TMEM181: variants seen among roughly 807,000 people sequenced by gnomAD.
TMEM181 encodes the protein G protein-coupled receptor 178.
Under a neutral mutation model 71.9 loss-of-function variants are expected in TMEM181, and 39 were observed. The observed-to-expected ratio is 0.54, with a 90% CI of 0.42 to 0.71. The LOEUF is 0.71. Among genes scored for constraint, TMEM181 ranks in the 30% least tolerant of loss-of-function variants. The pLI, the probability that TMEM181 is intolerant of heterozygous loss-of-function variation, is 0.00. For missense variants in TMEM181, 595 were observed against 583.0 expected (o/e 1.02, Z -0.21); for synonymous variants, 245 against 228.8 (o/e 1.07, Z -0.64).
In TMEM181 at chr6:158,631,342, T is replaced by G. The variant is rs769484114; in HGVS notation, c.1302T>G (p.Asn434Lys). 1.2e-6 allele frequency: 2 copies of G among 1,614,206 alleles called. No homozygotes were observed. Among genetic ancestry groups the G allele is most frequent in the Non-Finnish European group, 1.7e-6 (2 of 1,180,044 alleles). Reference sequence around the variant, plus strand: ...TTTCAGAGTCCCAGCTGAAAGACAATCCTGCCTTCTCCATGCTGAATGACT... The same window carrying G: ...TTTCAGAGTCCCAGCTGAAAGACAAGCCTGCCTTCTCCATGCTGAATGACT... ...NALYESQLKD[N>K]PAFSMLNDSD... Residue 434 changes from asparagine to lysine, a missense_variant, in exon 16 of 17, where the codon AAT becomes AAG. Transcript: ENST00000684151.
chr6:158,608,606 C>T (rs1166127780), intron 9 of TMEM181, 53 bp from the exon 10 acceptor site: 2 of 1,595,292 alleles, frequency 1.3e-6, no homozygotes, highest in East Asian at 4.5e-5. Context: ...ACGTTATGTA[C>T]AATTACCAAT....
chr6:158,552,823 A>T (rs1781759872), intron 1 of TMEM181, among the ~76,000 whole-genome samples: 1 of 104,942 alleles, frequency 9.5e-6, no homozygotes, highest in South Asian at 2.7e-4. Flanking sequence ...TGAAATTACC[A>T]TTCGGAATGA....
chr6:158,549,110 C>CTTTTTTTTTTTTTTTTTTTTTTTTT (rs33969411), intron 1 of TMEM181, among the ~76,000 whole-genome samples: 1 of 67,514 alleles, frequency 1.5e-5, no homozygotes, highest in Non-Finnish European at 2.8e-5. Context: ...GTGCACACTT[C>CTTTTTTTTTTTTTTTTTTTTTTTTT]TTTTTTTTTT....
chr6:158,608,199 G>C (rs6924900), intron 8 of TMEM181, 134 bp from the exon 9 acceptor site: 13 of 1,051,224 alleles, frequency 1.2e-5, no homozygotes, highest in Non-Finnish European at 1.7e-5. Flanking sequence ...ATGGGGTGCT[G>C]TCTGCCAGGT....
At chr6:158,540,797 C>A (rs928227205) in intron 1 of TMEM181, among the ~76,000 whole-genome samples, 1 of 152,084 alleles carries the variant, frequency 6.6e-6, no homozygotes, top group Non-Finnish European at 1.5e-5. Flanking sequence ...GAGAGAGTCT[C>A]ACCCCTGTCA....
Position 158,608,348 on chromosome 6 carries a change from T to A in TMEM181, c.689T>A (p.Leu230His). 4 of 1,614,244 alleles carry A rather than the reference T, an allele frequency of 2.5e-6. No individual in the cohort carries two copies. The highest frequency in any genetic ancestry group is 3.4e-6 in the Non-Finnish European group (4 of 1,180,046). ...LLLYNDPFFP[L>H]SFLVNSWLPG... ...TGTGTTCCAGATCCGTTCTTCCCCC[T>A]CTCCTTCCTGGTCAACAGCTGGCTC... Residue 230 changes from leucine to histidine, a missense_variant, in exon 9 of 17, where the codon CTC becomes CAC. Physicochemically the swap from Leu to His is moderately conservative, Grantham distance 99. Transcript: ENST00000684151.
chr6:158,593,740 C>T (rs551806634), intron 6 of TMEM181, among the ~76,000 whole-genome samples: 263 of 151,812 alleles, frequency 1.7e-3, no homozygotes, highest in South Asian at 7.3e-3. Context: ...CTTTTTTTTC[C>T]CACATTATTA....
At chr6:158,560,262 C>G in intron 1 of TMEM181, 30 bp downstream of exon 1, 2 of 985,122 alleles carry the variant, frequency 2.0e-6, no homozygotes, top group Non-Finnish European at 2.4e-6. Context: ...GGCGGGCTGG[C>G]TGGCTCTCCG....
chr6:158,629,724 C>A lies in TMEM181; in HGVS notation c.1193-6C>A, dbSNP rs560826866. On this transcript the variant is annotated splice_region_variant and splice_polypyrimidine_tract_variant and intron_variant, in intron 14 of 16. Coordinates refer to ENST00000684151, the MANE Select transcript of TMEM181 (RefSeq NM_001376852.1). The stretch of plus-strand genomic sequence containing the variant: ...GATGCCGCGTTCCTTCCCTTGACAG[C>A]ACCACCAGCCGAGTTCTTATCTTTC... The A allele has an allele frequency of 6.2e-7, 1 of 1,601,346 alleles. No homozygotes were observed.
chr6:158,589,902 T>A lies in TMEM181; in HGVS notation c.492+120T>A, dbSNP rs987149936. ...GTTAATTTGGACAGTGGAGGACTTG[T>A]AAAGTTTTTAAAAATTATAGGAAAA... On this transcript the variant is annotated intron_variant, in intron 6 of 16. Coordinates refer to ENST00000684151, the MANE Select transcript of TMEM181 (RefSeq NM_001376852.1). 6 of 712,934 alleles carry A rather than the reference T, an allele frequency of 8.4e-6. No homozygotes were observed. The Admixed American group carries it at 1.5e-4, about 17-fold the overall frequency. The allele number at this position is 712,934 out of a possible 1,614,324, so 44.2% of individuals were successfully genotyped here. A position where few individuals can be genotyped will look rare whatever the true frequency, so the allele number is the denominator to read the frequency against.
chr6:158,551,151 G>T (rs550825599), intron 1 of TMEM181, among the ~76,000 whole-genome samples: 303 of 151,990 alleles, frequency 2.0e-3, no homozygotes, highest in African/African-American at 7.1e-3. Context: ...TAGTAGAGAC[G>T]GGGTTTCACC....
intron 6 of TMEM181, among the ~76,000 whole-genome samples, chr6:158,594,120 T>TTTTTTTTTTTTTTTTTTTTTTTTTC (rs1554309324): frequency 7.2e-6 from 1 of 139,662 alleles, no homozygotes. Flanking sequence ...TTTTTTTTTT[T>TTTTTTTTTTTTTTTTTTTTTTTTTC]CTGAGACAGA....
Position 158,589,783 on chromosome 6 carries a change from G to GT in TMEM181, c.492+2dup. On this transcript the variant is annotated splice_donor_variant, in intron 6 of 16. Coordinates refer to ENST00000684151, the MANE Select transcript of TMEM181 (RefSeq NM_001376852.1). LOFTEE classifies it high-confidence loss of function. ...CCCCATCAAGGGAATGAACTTCACAGTAAGTATACCAGCTGACTGCACGTT... is the reference window on the plus strand; with the variant it reads ...CCCCATCAAGGGAATGAACTTCACAGTTAAGTATACCAGCTGACTGCACGTT... The GT allele has an allele frequency of 6.2e-7, 1 of 1,602,014 alleles. No homozygotes were observed. The highest frequency in any genetic ancestry group is 8.6e-7 in the Non-Finnish European group (1 of 1,169,046).
chr6:158,614,541 G>A (rs190018237), intron 10 of TMEM181, among the ~76,000 whole-genome samples: 3 of 152,078 alleles, frequency 2.0e-5, no homozygotes, highest in Non-Finnish European at 4.4e-5. Flanking sequence ...CAACGTGCAG[G>A]TTTGTTACAT....
intron 10 of TMEM181, chr6:158,611,415 G>A (rs1388435740): frequency 7.4e-6 from 4 of 539,118 alleles, no homozygotes; most frequent in Non-Finnish European, 1.5e-5. Context: ...GATCATTGTG[G>A]AGCCCTGATG....
intron 2 of TMEM181, among the ~76,000 whole-genome samples, chr6:158,577,433 A>G (rs922751431): frequency 5.9e-5 from 9 of 152,186 alleles, no homozygotes; most frequent in Non-Finnish European, 8.8e-5. Flanking sequence ...AGAAAAATGA[A>G]CAGAGACTGA....
At chr6:158,580,069 G>A (rs1198949709) in intron 2 of TMEM181, among the ~76,000 whole-genome samples, 6 of 152,118 alleles carry the variant, frequency 3.9e-5, no homozygotes, top group Non-Finnish European at 8.8e-5. Flanking sequence ...AGTGGCTCAC[G>A]CCTGTAATCC....
intron 6 of TMEM181, among the ~76,000 whole-genome samples, chr6:158,604,501 G>A (rs990025436): frequency 1.3e-5 from 2 of 152,146 alleles, no homozygotes; most frequent in African/African-American, 2.4e-5. Context: ...GACCTGGCTC[G>A]TGCTTAGGTT....
intron 10 of TMEM181, chr6:158,611,697 G>A (rs969180474): frequency 4.2e-6 from 1 of 236,754 alleles, no homozygotes; most frequent in Non-Finnish European, 8.4e-6. Context: ...ACCTGTGCCC[G>A]AGGAATGCCG....
Sources: gnomAD v4.1 joint callset for allele counts (sites outside exome capture counted in the v4.1 genomes callset) on GRCh38, gnomAD v4.1.1 for gene constraint, MANE v1.5 for transcripts, NCBI Gene and HGNC (gene_info 2026-07-23, HGNC 2026-07-21) for gene names.